PMFBP1: variants seen among roughly 807,000 people sequenced by gnomAD.
PMFBP1 encodes the protein polyamine modulated factor 1 binding protein 1.
A neutral mutation model predicts 137.8 loss-of-function variants in PMFBP1; 131 were observed. That is an observed-to-expected ratio of 0.95 (90% CI 0.82 to 1.10). The LOEUF is 1.10. Among genes scored for constraint, PMFBP1 ranks in the 50% least tolerant of loss-of-function variants. The pLI, the probability that PMFBP1 is intolerant of heterozygous loss-of-function variation, is 0.00. For missense variants in PMFBP1, 1,199 were observed against 1,175.4 expected (o/e 1.02, Z -0.29); for synonymous variants, 490 against 450.4 (o/e 1.09, Z -1.11).
At chr16:72,190,725 G>C in the PMFBP1 span, among the ~76,000 whole-genome samples, 1 of 152,064 alleles carries the variant, frequency 6.6e-6, no homozygotes. Flanking sequence ...CTGAGCCTCA[G>C]AACTTCTCTC....
the PMFBP1 span, among the ~76,000 whole-genome samples, chr16:72,194,760 C>A: frequency 4.6e-5 from 7 of 152,162 alleles, no homozygotes; most frequent in Admixed American, 3.9e-4. Context: ...GAAGCTAAGG[C>A]ACTGTTGGTG....
At chr16:72,173,426 A>G (rs2043238902), upstream of PMFBP1, among the ~76,000 whole-genome samples, 1 of 152,260 alleles carries the variant, frequency 6.6e-6, no homozygotes. Context: ...TGATGGTTTC[A>G]TCCGCTATGG....
the PMFBP1 span, among the ~76,000 whole-genome samples, chr16:72,187,704 C>T: frequency 1.3e-5 from 2 of 152,144 alleles, no homozygotes; most frequent in East Asian, 1.9e-4. Context: ...CTCCCACTGC[C>T]GAAGGGTGTT....
the PMFBP1 span, among the ~76,000 whole-genome samples, chr16:72,200,139 G>A: frequency 5.9e-5 from 9 of 152,192 alleles, no homozygotes; most frequent in Non-Finnish European, 1.3e-4. Flanking sequence ...TGCCAAACAG[G>A]CTCACTCCAC....
chr16:72,175,438 C>T (rs190553866), upstream of PMFBP1, among the ~76,000 whole-genome samples: 26 of 152,258 alleles, frequency 1.7e-4, no homozygotes, highest in Non-Finnish European at 3.4e-4. Flanking sequence ...ACACAAATGC[C>T]GTAATCACAG....
At chr16:72,171,547 G>C in intron 1 of PMFBP1, 3 of 334,926 alleles carry the variant, frequency 9.0e-6, no homozygotes, top group Non-Finnish European at 1.7e-5. Flanking sequence ...AGTCTGAATC[G>C]AGTTTACTTT....
the PMFBP1 span, among the ~76,000 whole-genome samples, chr16:72,186,369 G>T: frequency 6.6e-6 from 1 of 152,278 alleles, no homozygotes; most frequent in Non-Finnish European, 1.5e-5. Flanking sequence ...TATGGAGATA[G>T]TTGCATTTGA....
the PMFBP1 span, among the ~76,000 whole-genome samples, chr16:72,231,241 T>C: frequency 6.6e-6 from 1 of 152,124 alleles, no homozygotes; most frequent in Non-Finnish European, 1.5e-5. Context: ...CTATTATAGC[T>C]TGATAATTCC....
chr16:72,218,391 G>A, the PMFBP1 span, among the ~76,000 whole-genome samples: 21 of 151,790 alleles, frequency 1.4e-4, no homozygotes, highest in African/African-American at 2.9e-4. Flanking sequence ...GCAGTGGCGC[G>A]GTCTTGGCTC....
At chr16:72,193,430 A>G in the PMFBP1 span, among the ~76,000 whole-genome samples, 1 of 152,140 alleles carries the variant, frequency 6.6e-6, no homozygotes, top group Non-Finnish European at 1.5e-5. Context: ...TATGAAAAAA[A>G]TTGTGGAGGC....
At chr16:72,225,709 T>TATTATAATA in the PMFBP1 span, among the ~76,000 whole-genome samples, 6,359 of 109,420 alleles carry the variant, frequency 0.058, 167 homozygotes, top group Non-Finnish European at 0.074. Context: ...TGAGACTGTT[T>TATTATAATA]ATAATAATAA....
chr16:72,244,293 GA>G, the PMFBP1 span, among the ~76,000 whole-genome samples: 1 of 151,634 alleles, frequency 6.6e-6, no homozygotes, highest in Non-Finnish European at 1.5e-5. Context: ...ACACAGACAA[GA>G]AAAAAAAGAG....
chr16:72,234,720 T>C, the PMFBP1 span, among the ~76,000 whole-genome samples: 5 of 152,242 alleles, frequency 3.3e-5, no homozygotes, highest in South Asian at 2.1e-4. Context: ...CATGACTTTG[T>C]GTCATGAAGT....
chr16:72,210,902 G>A, the PMFBP1 span, among the ~76,000 whole-genome samples: 5 of 152,200 alleles, frequency 3.3e-5, no homozygotes, highest in East Asian at 7.7e-4. Context: ...TCCAGTAGCC[G>A]ACTCTTTTGT....
chr16:72,120,563 G>A (rs1001075478), intron 19 of PMFBP1, among the ~76,000 whole-genome samples: 4 of 152,146 alleles, frequency 2.6e-5, no homozygotes, highest in Non-Finnish European at 5.9e-5. Flanking sequence ...CTGAAGAGTC[G>A]GGAGCACAGG....
chr16:72,176,927 C>T (rs1340171015), upstream of PMFBP1: 3 of 152,234 alleles, frequency 2.0e-5, no homozygotes, highest in Non-Finnish European at 4.4e-5. Context: ...CTCAAATGCC[C>T]CTTCCCTTTC....
At chr16:72,231,606 A>G in the PMFBP1 span, among the ~76,000 whole-genome samples, 6 of 152,204 alleles carry the variant, frequency 3.9e-5, no homozygotes, top group Non-Finnish European at 8.8e-5. Flanking sequence ...CAGTTTTTAA[A>G]ACATATCCAA....
rs2042400182 is a variant in PMFBP1 at position 72,123,082 on chromosome 16, A to G, written c.2694-94T>C. On this transcript the variant is annotated intron_variant, in intron 18 of 20. Transcript: ENST00000237353. ...TGAATGGGATGCTGGGTTCTCAGCA[A>G]GACTGCTGCTGCATCCCACGTCCCC... The G allele has an allele frequency of 7.0e-6, 8 of 1,140,464 alleles. No homozygotes were observed. In the South Asian group the frequency reaches 1.1e-4, roughly 15 times the overall value. The allele number at this position is 1,140,464 out of a possible 1,614,324, so 70.6% of individuals were successfully genotyped here. A position where few individuals can be genotyped will look rare whatever the true frequency, so the allele number is the denominator to read the frequency against.
chr16:72,136,900 C>G, intron 7 of PMFBP1, 81 bp from the exon 8 acceptor site: 3 of 1,577,378 alleles, frequency 1.9e-6, no homozygotes, highest in Non-Finnish European at 2.6e-6. Flanking sequence ...CATCCACAGT[C>G]AACAGTAAGT....
Sources: gnomAD v4.1 joint callset for allele counts (sites outside exome capture counted in the v4.1 genomes callset) on GRCh38, gnomAD v4.1.1 for gene constraint, MANE v1.5 for transcripts, NCBI Gene and HGNC (gene_info 2026-07-23, HGNC 2026-07-21) for gene names.